Variants in CROT observed in about 807,000 individuals in gnomAD.
The protein encoded by CROT is carnitine O-octanoyltransferase.
In CROT, 84 loss-of-function variants were observed where a neutral mutation model predicts 89.2. The ratio of observed to expected loss-of-function variants is 0.94; its 90% CI spans 0.79 to 1.13. The LOEUF is 1.13. Ranked by LOEUF, CROT falls within the 50% of genes most tolerant of loss-of-function variation. The pLI, the probability that CROT is intolerant of heterozygous loss-of-function variation, is 0.00. For missense variants in CROT, 711 were observed against 727.8 expected, an observed-to-expected ratio of 0.98 and a Z score of 0.27; for synonymous variants, 212 against 239.5, an observed-to-expected ratio of 0.89 and a Z score of 1.06.
chr7:87,391,570 T>G lies in CROT; in HGVS notation c.1302-19T>G. On this transcript the variant is annotated intron_variant, in intron 13 of 17. Transcript: ENST00000331536. ...GCATTTTCTTTCTTATGATACACTC[T>G]TTTAATTTTTTCTTGTAGCCCTGGT... 6.3e-7 allele frequency: 1 copy of G among 1,583,664 alleles called. No individual in the cohort carries two copies.
intron 7 of CROT, 189 bp downstream of exon 7, chr7:87,369,673 AAT>A (rs1806565597): frequency 7.4e-6 from 2 of 269,018 alleles, no homozygotes; most frequent in Non-Finnish European, 1.4e-5. Context: ...GACATATATA[AAT>A]ATGTTCACTT....
intron 13 of CROT, among the ~76,000 whole-genome samples, chr7:87,384,434 A>G (rs1807128288): frequency 6.6e-6 from 1 of 152,212 alleles, no homozygotes; most frequent in Non-Finnish European, 1.5e-5. Context: ...CAGGAGGCTG[A>G]GGCACGAGAA....
chr7:87,377,876 C>G (rs745851673), intron 10 of CROT, among the ~76,000 whole-genome samples: 3 of 152,100 alleles, frequency 2.0e-5, no homozygotes, highest in African/African-American at 4.8e-5. Flanking sequence ...CTTTGGAACA[C>G]TATTTAGGCT....
chr7:87,349,943 G>A (rs1186317441), intron 3 of CROT, among the ~76,000 whole-genome samples: 3 of 152,144 alleles, frequency 2.0e-5, no homozygotes, highest in South Asian at 2.1e-4. Flanking sequence ...GAGTAAGGGA[G>A]CTCCTTGCTT....
In CROT at chr7:87,399,570, G is replaced by A. The variant is rs184217695; in HGVS notation, c.*926G>A. The A allele has an allele frequency of 5.5e-4, 83 of 152,240 alleles. No homozygotes were observed. Among genetic ancestry groups the A allele is most frequent in the African/African-American group, 1.9e-3 (81 of 41,558 alleles). The allele number at this position is 152,240 out of a possible 1,614,324, so 9.4% of individuals were successfully genotyped here. A position where few individuals can be genotyped will look rare whatever the true frequency, so the allele number is the denominator to read the frequency against. On this transcript the variant is annotated 3_prime_UTR_variant, in exon 18 of 18. Transcript: ENST00000331536. ...TACCCTCTATTACACACATAAAACC[G>A]TAACAAAATTCATTGTGGTGTATTA...
Position 87,356,429 on chromosome 7 carries a change from T to C in CROT, c.116-2777T>C, listed in dbSNP as rs563759025. ...ATGTACATTTCTTTTACAGTTCTGG[T>C]TGAACTGTACAAGAAAAACAAAATC... On this transcript the variant is annotated intron_variant, in intron 3 of 17. Transcript: ENST00000331536. Among the ~76,000 whole-genome samples the C allele has an allele frequency of 5.9e-5, 9 of 152,318 alleles. No individual in the cohort carries two copies. In the South Asian group the frequency reaches 1.7e-3, roughly 28 times the overall value.
chr7:87,375,357 G>T, intron 7 of CROT: 1 of 336,898 alleles, frequency 3.0e-6, no homozygotes, highest in South Asian at 4.1e-5. Context: ...AGAAGTGCAT[G>T]CACATTTCCA....
intron 1 of CROT, among the ~76,000 whole-genome samples, chr7:87,346,124 G>T (rs116160287): frequency 2.3e-3 from 345 of 152,244 alleles, no homozygotes; most frequent in African/African-American, 7.8e-3. Flanking sequence ...CCCGTCTAAT[G>T]GAAGGTGTAC....
rs1299737358 is a variant in CROT at position 87,349,156 on chromosome 7, G to T, written c.88G>T (p.Glu30Ter). The T allele has an allele frequency of 6.3e-7, 1 of 1,589,492 alleles. No individual in the cohort carries two copies. Among genetic ancestry groups the T allele is most frequent in the Non-Finnish European group, 8.6e-7 (1 of 1,163,076 alleles). The change falls in exon 3 of 18, where the codon GAA (glutamate) becomes TAA (stop). Residue 30 changes from glutamate to a stop codon, truncating the protein, a stop_gained. Coordinates refer to ENST00000331536, the MANE Select transcript of CROT (RefSeq NM_021151.4). LOFTEE classifies it high-confidence loss of function. ...LPSLPVPSLEESLKKYLESVK... is the reference protein window; with the variant it reads ...LPSLPVPSLE ...ATCACTGCCTGTTCCTTCACTTGAAGAATCATTAAAAAAATACCTTGAATC... is the reference window on the plus strand; with the variant it reads ...ATCACTGCCTGTTCCTTCACTTGAATAATCATTAAAAAAATACCTTGAATC...
intron 3 of CROT, among the ~76,000 whole-genome samples, chr7:87,358,203 C>A (rs143471653): frequency 6.6e-6 from 1 of 151,930 alleles, no homozygotes; most frequent in Non-Finnish European, 1.5e-5. Flanking sequence ...ACAGGCCGTG[C>A]GCAGTGCCTC....
chr7:87,391,703 T>C lies in CROT; in HGVS notation c.1416T>C (p.Pro472=). ...AVRWCQSMQD[P]SVNLRERQQK... ...GGTGGTGCCAGTCCATGCAGGATCC[T>C]TCTGTCAATGTGAGTATTGGAAAGG... The change falls in exon 14 of 18, where the codon CCT becomes CCC. Residue 472 remains proline (P), a synonymous_variant. Coordinates refer to ENST00000331536, the MANE Select transcript of CROT (RefSeq NM_021151.4). 1 of 1,607,730 alleles carries C rather than the reference T, an allele frequency of 6.2e-7. No homozygotes were observed. Among genetic ancestry groups the C allele is most frequent in the Non-Finnish European group, 8.5e-7 (1 of 1,177,932 alleles).
chr7:87,397,350 CA>C (rs11429478), intron 17 of CROT, among the ~76,000 whole-genome samples: 50 of 146,218 alleles, frequency 3.4e-4, no homozygotes, highest in Admixed American at 1.8e-3. Context: ...GACTCTTTCT[CA>C]AAAAAAAAAA....
chr7:87,357,316 C>G (rs802025), intron 3 of CROT, among the ~76,000 whole-genome samples: 1 of 152,040 alleles, frequency 6.6e-6, no homozygotes, highest in Non-Finnish European at 1.5e-5. Context: ...TATTATACCC[C>G]AGGGACTCTC....
At chr7:87,346,008 G>A (rs909745266) in intron 1 of CROT, among the ~76,000 whole-genome samples, 1 of 152,080 alleles carries the variant, frequency 6.6e-6, no homozygotes, top group Non-Finnish European at 1.5e-5. Flanking sequence ...GGGTTGGTGG[G>A]AAGAGCCTCC....
chr7:87,399,469 T>C lies in CROT; in HGVS notation c.*825T>C, dbSNP rs1562943136. ...TAGCCTGGGCAAGAGCGTGAGACCC[T>C]GTCTCAAAGAAGAAAAAAAGAGAAA... On this transcript the variant is annotated 3_prime_UTR_variant, in exon 18 of 18. Transcript: ENST00000331536. 6.6e-6 allele frequency: 1 copy of C among 152,154 alleles called. No homozygotes were observed. The highest frequency in any genetic ancestry group is 2.4e-5 in the African/African-American group (1 of 41,424). The allele number at this position is 152,154 out of a possible 1,614,324, so 9.4% of individuals were successfully genotyped here. A position where few individuals can be genotyped will look rare whatever the true frequency, so the allele number is the denominator to read the frequency against.
At chr7:87,367,779 A>G (rs962633638) in intron 6 of CROT, among the ~76,000 whole-genome samples, 8 of 151,990 alleles carry the variant, frequency 5.3e-5, no homozygotes, top group Admixed American at 3.3e-4. Context: ...AATATCTTCC[A>G]TCTTAAAAGG....
intron 13 of CROT, among the ~76,000 whole-genome samples, chr7:87,386,917 A>C (rs938993041): frequency 1.4e-4 from 21 of 152,092 alleles, no homozygotes; most frequent in African/African-American, 5.1e-4. Flanking sequence ...TTGAAGCAGG[A>C]ATGATTTTTC....
At chr7:87,346,966 C>T (rs1805702248) in intron 2 of CROT, among the ~76,000 whole-genome samples, 1 of 152,176 alleles carries the variant, frequency 6.6e-6, no homozygotes, top group Non-Finnish European at 1.5e-5. Context: ...CACCTCCAGG[C>T]TATTTCAGAT....
chr7:87,357,688 C>A, intron 3 of CROT: 2 of 631,796 alleles, frequency 3.2e-6, no homozygotes, highest in South Asian at 1.8e-5. Flanking sequence ...AGGCACCATC[C>A]TTATTTTAAG....
Sources: allele counts gnomAD v4.1 joint callset (sites outside exome capture counted in the v4.1 genomes callset), GRCh38; gene constraint gnomAD v4.1.1; transcripts MANE v1.5; gene names NCBI Gene and HGNC (gene_info 2026-07-23, HGNC 2026-07-21).